The following MRC2 variants were observed in gnomAD, a reference collection of about 807,000 sequenced individuals.
MRC2 encodes the protein C-type mannose receptor 2.
In MRC2, 84 loss-of-function variants were observed where a neutral mutation model predicts 206.2. That is an observed-to-expected ratio of 0.41 (90% CI 0.34 to 0.49). The LOEUF (loss-of-function observed/expected upper bound fraction) is 0.49, where lower values mean the gene tolerates loss of function less well. MRC2 is among the 20% of genes least tolerant of loss of function. MRC2 has a pLI of 0.31. For synonymous variants in MRC2, 798 were observed against 800.0 expected (o/e 1.00, Z 0.04); for missense variants, 1,676 against 2,001.5 (o/e 0.84, Z 3.10).
At chr17:62,659,458 G>A (rs761367720) in intron 1 of MRC2, among the ~76,000 whole-genome samples, 51 of 152,084 alleles carry the variant, frequency 3.4e-4, no homozygotes, top group African/African-American at 1.0e-3. Flanking sequence ...CAGAAGAATC[G>A]CTTGAACCGG....
At position 62,671,790 on chromosome 17, in the gene MRC2, T is replaced by A; in HGVS notation, c.1259T>A (p.Ile420Asn). 6.2e-7 allele frequency: 1 copy of A among 1,611,072 alleles called. No individual in the cohort carries two copies. Among genetic ancestry groups the A allele is most frequent in the East Asian group, 2.2e-5 (1 of 44,792 alleles). Residue 420 changes from isoleucine (I) to asparagine (N), a missense_variant, in exon 7 of 30, where the codon ATC (isoleucine) becomes AAC (asparagine). Transcript: ENST00000303375. This position sits in a 1 kb window ranked among gnomAD's most constrained non-coding sequence, Gnocchi z 4.5. Reference sequence around the variant, plus strand: ...CGGGGCGGTGGCGACCTGGTCAGCATCCACAGCATGGCGGAGCTGGAATTC... The same window carrying A: ...CGGGGCGGTGGCGACCTGGTCAGCAACCACAGCATGGCGGAGCTGGAATTC... ...CLRGGGDLVS[I>N]HSMAELEFIT... is the part of the protein sequence containing the mutation.
Position 62,672,193 on chromosome 17 carries a change from C to A in MRC2, c.1461+41C>A. ...CCCTATCACAGGGCCACAAAATACA[C>A]CCCCAACCTCCAGGTGCCACCCCAG... On this transcript the variant is annotated intron_variant, in intron 8 of 29. Coordinates refer to ENST00000303375, the MANE Select transcript of MRC2 (RefSeq NM_006039.5). This position sits in a 1 kb window ranked among gnomAD's most constrained non-coding sequence, Gnocchi z 4.5. 1.2e-6 allele frequency: 2 copies of A among 1,610,156 alleles called. No homozygotes were observed. The highest frequency in any genetic ancestry group is 1.7e-6 in the Non-Finnish European group (2 of 1,177,324).
At chr17:62,670,064 C>G (rs1165577897) in intron 6 of MRC2, among the ~76,000 whole-genome samples, 1 of 152,202 alleles carries the variant, frequency 6.6e-6, no homozygotes, top group Non-Finnish European at 1.5e-5. Context: ...ATCTGTGGCC[C>G]CTTACCAAGT....
intron 1 of MRC2, among the ~76,000 whole-genome samples, chr17:62,661,951 T>TA (rs1439727791): frequency 1.3e-5 from 2 of 152,286 alleles, no homozygotes; most frequent in East Asian, 3.9e-4. Flanking sequence ...TTTATATCTT[T>TA]AAAAGATTAT....
At chr17:62,643,327 C>CAAAAAAAAAAAAAAAAAA (rs59698063) in intron 1 of MRC2, among the ~76,000 whole-genome samples, 2 of 44,078 alleles carry the variant, frequency 4.5e-5, no homozygotes, top group African/African-American at 5.8e-5. Context: ...GAAACTCCGT[C>CAAAAAAAAAAAAAAAAAA]AAAAAAAAAA....
rs903240987 is a variant in MRC2, at chr17:62,674,280, C to A, written c.1569+110C>A. On this transcript the variant is annotated intron_variant, in intron 9 of 29. Transcript: ENST00000303375. ...GCCTCGCATGGCATCGCCCTCTCGTCGGCACCCCCTTCCCTGAGCTCTCCA... is the reference window on the plus strand; with the variant it reads ...GCCTCGCATGGCATCGCCCTCTCGTAGGCACCCCCTTCCCTGAGCTCTCCA... 9 of 739,300 alleles carry A rather than the reference C, an allele frequency of 1.2e-5. 1 individual carries two copies. In the Middle Eastern group the frequency reaches 1.9e-3, roughly 156 times the overall value. The allele number at this position is 739,300 out of a possible 1,614,324, so 45.8% of individuals were successfully genotyped here.
chr17:62,671,249 T>C lies in MRC2; in HGVS notation c.1118-400T>C, dbSNP rs769927731. 2.0e-5 allele frequency among the ~76,000 whole-genome samples: 3 copies of C among 151,978 alleles called. No homozygotes were observed. The highest frequency in any genetic ancestry group is 4.4e-5 in the Non-Finnish European group (3 of 67,976). On this transcript the variant is annotated intron_variant, in intron 6 of 29. Transcript: ENST00000303375. This position sits in a 1 kb window ranked among gnomAD's most constrained non-coding sequence, Gnocchi z 4.5. ...CCATGCCTGGCTAATTTTTTATTTT[T>C]TATAGAGATGGGGTCTCCCCTTTGT...
Position 62,680,311 on chromosome 17 carries a change from T to A in MRC2, c.2437+3T>A. 6.2e-7 allele frequency: 1 copy of A among 1,613,526 alleles called. No individual in the cohort carries two copies. On this transcript the variant is annotated splice_donor_region_variant and intron_variant, in intron 15 of 29. Coordinates refer to ENST00000303375, the MANE Select transcript of MRC2 (RefSeq NM_006039.5). This position sits in a 1 kb window ranked among gnomAD's most constrained non-coding sequence, Gnocchi z 4.8. ...CTGGATCTGCAAGATCCCCAGAGGT[T>A]GGCCGGAGTGGCGCTGGGGGACGCG...
At chr17:62,690,880 A>C (rs1000763663) in intron 27 of MRC2, 69 bp from the exon 28 acceptor site, 2 of 1,494,354 alleles carry the variant, frequency 1.3e-6, no homozygotes, top group Non-Finnish European at 1.8e-6. Flanking sequence ...GTTCTAGAAC[A>C]CACCTGCTCT....
In MRC2 at chr17:62,671,815, C is replaced by A; in HGVS notation, c.1284C>A (p.Phe428Leu). 1 of 1,602,184 alleles carries A rather than the reference C, an allele frequency of 6.2e-7. No individual in the cohort carries two copies. Among genetic ancestry groups the A allele is most frequent in the South Asian group, 1.1e-5 (1 of 89,698 alleles). The change falls in exon 7 of 30, where the codon TTC becomes TTA. Residue 428 changes from phenylalanine to leucine, a missense_variant. This residue lies in a region of MRC2 where 1,354 missense variants were observed against 1,636.6 expected (regional missense o/e 0.83). Transcript: ENST00000303375. This position sits in a 1 kb window ranked among gnomAD's most constrained non-coding sequence, Gnocchi z 4.5. ...VSIHSMAELE[F>L]ITKQIKQEVE... is the part of the protein sequence containing the mutation. ...TCCACAGCATGGCGGAGCTGGAATT[C>A]ATCACCAAGCAGATCAAGCAAGGTG...
Position 62,680,102 on chromosome 17 carries a change from G to C in MRC2, c.2299-68G>C, listed in dbSNP as rs1381119922. ...CTCAGGCCAGGCCTCTTGTTCACCT[G>C]TTCCGGGCATGGGGGCGGCCTGCAC... On this transcript the variant is annotated intron_variant, in intron 14 of 29. Transcript: ENST00000303375. This position sits in a 1 kb window ranked among gnomAD's most constrained non-coding sequence, Gnocchi z 4.8. 1 of 1,601,692 alleles carries C rather than the reference G, an allele frequency of 6.2e-7. No homozygotes were observed. The highest frequency in any genetic ancestry group is 8.5e-7 in the Non-Finnish European group (1 of 1,172,674).
At chr17:62,646,964 A>T (rs2088494800) in intron 1 of MRC2, among the ~76,000 whole-genome samples, 1 of 152,172 alleles carries the variant, frequency 6.6e-6, no homozygotes. Flanking sequence ...TGTACCCCAG[A>T]ATTGCTTGGG....
rs1273550614 is a variant in MRC2 at position 62,664,616 on chromosome 17, A to T, written c.187A>T (p.Arg63Ter). 6.2e-7 allele frequency: 1 copy of T among 1,613,498 alleles called. No homozygotes were observed. The highest frequency in any genetic ancestry group is 8.5e-7 in the Non-Finnish European group (1 of 1,180,028). Residue 63 changes from arginine to a stop codon, truncating the protein, a stop_gained, in exon 2 of 30, where the codon AGA (arginine) becomes TGA (stop). Coordinates refer to ENST00000303375, the MANE Select transcript of MRC2 (RefSeq NM_006039.5). LOFTEE classifies it high-confidence loss of function. The surrounding 1 kb of genome is among the most constrained non-coding windows in gnomAD (Gnocchi z 4.7). Reference protein sequence around the residue: ...GCLEAQGGQVRVTPACNTSLP... With the variant: ...GCLEAQGGQV ...CCTGGAGGCCCAGGGCGGGCAGGTC[A>T]GAGTCACCCCGGCTTGCAATACCAG...
chr17:62,674,051 C>G lies in MRC2; in HGVS notation c.1462-12C>G. The G allele has an allele frequency of 6.5e-7, 1 of 1,543,674 alleles. No individual in the cohort carries two copies. Among genetic ancestry groups the G allele is most frequent in the Non-Finnish European group, 8.8e-7 (1 of 1,140,110 alleles). On this transcript the variant is annotated splice_polypyrimidine_tract_variant and intron_variant, in intron 8 of 29. Coordinates refer to ENST00000303375, the MANE Select transcript of MRC2 (RefSeq NM_006039.5). Reference sequence around the variant, plus strand: ...GTGGGGGTTGAGATTCTTCCTCACCCTGTGTCCGTAGGAAGGCCGCTGGAA... The same window carrying G: ...GTGGGGGTTGAGATTCTTCCTCACCGTGTGTCCGTAGGAAGGCCGCTGGAA...
chr17:62,668,052 A>T (rs1426525693), intron 6 of MRC2, among the ~76,000 whole-genome samples: 1 of 152,194 alleles, frequency 6.6e-6, no homozygotes, highest in Non-Finnish European at 1.5e-5. Flanking sequence ...ACTACACTGC[A>T]GCTTTAAGGG....
intron 11 of MRC2, 108 bp from the exon 12 acceptor site, chr17:62,677,161 C>T (rs1039857309): frequency 3.3e-6 from 3 of 913,302 alleles, no homozygotes; most frequent in Non-Finnish European, 4.9e-6. Flanking sequence ...AAGAGGTGGC[C>T]AAGCTGGTTC....
chr17:62,673,953 C>T (rs566356751), intron 8 of MRC2, 110 bp from the exon 9 acceptor site: 1 of 833,410 alleles, frequency 1.2e-6, no homozygotes, highest in Middle Eastern at 2.5e-4. Context: ...ATGTCAGAAT[C>T]ACACAGTAAG....
intron 1 of MRC2, among the ~76,000 whole-genome samples, chr17:62,662,461 T>TG (rs1323561940): frequency 6.6e-6 from 1 of 152,204 alleles, no homozygotes; most frequent in Non-Finnish European, 1.5e-5. Context: ...CATAGCATAA[T>TG]GCTGATTTAT....
chr17:62,685,097 G>A (rs937045936), intron 20 of MRC2, among the ~76,000 whole-genome samples: 24 of 151,862 alleles, frequency 1.6e-4, no homozygotes, highest in Non-Finnish European at 2.4e-4. Flanking sequence ...AGCTGAGATC[G>A]AGCCACTGCA....
Sources: allele counts gnomAD v4.1 joint callset (sites outside exome capture counted in the v4.1 genomes callset), GRCh38; gene constraint gnomAD v4.1.1; regional missense constraint gnomAD v4.1.1; non-coding constraint Gnocchi (gnomAD v3.1); transcripts MANE v1.5; gene names NCBI Gene and HGNC (gene_info 2026-07-23, HGNC 2026-07-21).